The following C1orf146 variants were observed in gnomAD, a reference collection of about 807,000 sequenced individuals.
C1orf146 encodes the protein chromosome 1 open reading frame 146.
Under a neutral mutation model 23.0 loss-of-function variants are expected in C1orf146, and 22 were observed. The observed-to-expected ratio is 0.96, with a 90% confidence interval of 0.68 to 1.36. The LOEUF is 1.36. Among genes scored for constraint, C1orf146 ranks in the 40% most tolerant of loss-of-function variants. C1orf146 has a pLI of 0.00. For missense variants in C1orf146, 199 were observed against 206.8 expected, an observed-to-expected ratio of 0.96 and a Z score of 0.23; for synonymous variants, 59 against 65.3, an observed-to-expected ratio of 0.90 and a Z score of 0.47.
intron 1 of C1orf146, among the ~76,000 whole-genome samples, chr1:92,230,313 T>TA (rs142760966): frequency 0.044 from 6,332 of 142,368 alleles, 428 homozygotes; most frequent in African/African-American, 0.15. Context: ...CACAATAAGT[T>TA]AAAAAAAAAA....
At chr1:92,243,002 C>T (rs1652466707) in intron 3 of C1orf146, among the ~76,000 whole-genome samples, 1 of 152,178 alleles carries the variant, frequency 6.6e-6, no homozygotes. Context: ...GTGGTATCGC[C>T]TCAAACTTAT....
At chr1:92,237,964 C>G (rs1249467960) in intron 2 of C1orf146, among the ~76,000 whole-genome samples, 2 of 152,128 alleles carry the variant, frequency 1.3e-5, no homozygotes, top group South Asian at 2.1e-4. Context: ...GAGTTTTGCT[C>G]TGTCGCCGAG....
intron 2 of C1orf146, among the ~76,000 whole-genome samples, chr1:92,237,033 A>T (rs1329642716): frequency 6.6e-6 from 1 of 152,014 alleles, no homozygotes; most frequent in Non-Finnish European, 1.5e-5. Context: ...AAAGTTTTTA[A>T]CTTCTTTGCC....
At position 92,244,847 on chromosome 1, in the gene C1orf146, C is replaced by G. The variant is rs752901197; in HGVS notation, c.398C>G (p.Thr133Ser). Reference sequence around the variant, plus strand: ...GTAAATGCTATTAATCTTATGTGCACTATAGCAAAGGTGAGTCACCCGTGG... The same window carrying G: ...GTAAATGCTATTAATCTTATGTGCAGTATAGCAAAGGTGAGTCACCCGTGG... ...NTVNAINLMC[T>S]IAKTTSKPYI... The change falls in exon 5 of 6, where the codon ACT (threonine) becomes AGT (serine). Residue 133 changes from threonine (T) to serine (S), a missense_variant. Thr to Ser is a moderately conservative substitution (Grantham distance 58, BLOSUM62 1). Coordinates refer to ENST00000370375, the MANE Select transcript of C1orf146 (RefSeq NM_001012425.2). 2 of 1,593,112 alleles carry G rather than the reference C, an allele frequency of 1.3e-6. No individual in the cohort carries two copies. Among genetic ancestry groups the G allele is most frequent in the Non-Finnish European group, 8.6e-7 (1 of 1,162,812 alleles).
At chr1:92,223,378 G>A (rs564496280) in intron 1 of C1orf146, among the ~76,000 whole-genome samples, 3 of 152,132 alleles carry the variant, frequency 2.0e-5, no homozygotes, top group African/African-American at 7.2e-5. Context: ...GTATCTTGTA[G>A]CTTTAATTTG....
chr1:92,221,053 CAAAG>C (rs1651806119), intron 1 of C1orf146, among the ~76,000 whole-genome samples: 1 of 151,894 alleles, frequency 6.6e-6, no homozygotes, highest in Admixed American at 6.6e-5. Context: ...GCCTCAGAGA[CAAAG>C]AATATTTTTA....
chr1:92,220,273 G>A (rs1204433576), intron 1 of C1orf146, among the ~76,000 whole-genome samples: 5 of 152,220 alleles, frequency 3.3e-5, no homozygotes, highest in Non-Finnish European at 1.5e-5. Context: ...CTAGGGTGTC[G>A]TTTGTTTTAG....
chr1:92,227,106 T>G (rs188738458), intron 1 of C1orf146, among the ~76,000 whole-genome samples: 1 of 152,302 alleles, frequency 6.6e-6, no homozygotes, highest in East Asian at 1.9e-4. Context: ...TATTTTAAAC[T>G]TCCTTATATA....
At position 92,228,106 on chromosome 1, in the gene C1orf146, C is replaced by T. The variant is rs77159680; in HGVS notation, c.-39-3276C>T. ...TTCTTTATCCTTTTGCTTAACCTAC[C>T]TCAGTCTGGATATTTTCCTCTGACC... On this transcript the variant is annotated intron_variant, in intron 1 of 5. Transcript: ENST00000370375. Among the ~76,000 whole-genome samples the T allele has an allele frequency of 4.6e-3, 706 of 152,228 alleles. 4 individuals are homozygous for T. Among genetic ancestry groups the T allele is most frequent in the Non-Finnish European group, 7.5e-3 (507 of 68,024 alleles).
intron 1 of C1orf146, among the ~76,000 whole-genome samples, chr1:92,229,793 T>C (rs942551753): frequency 1.3e-5 from 2 of 152,054 alleles, no homozygotes; most frequent in African/African-American, 2.4e-5. Context: ...AGGACTGATA[T>C]CTATAATATA....
At chr1:92,239,619 G>T (rs949858139) in intron 2 of C1orf146, among the ~76,000 whole-genome samples, 1 of 152,076 alleles carries the variant, frequency 6.6e-6, no homozygotes. Context: ...AGGCATGGTG[G>T]TGCATGCCTG....
intron 2 of C1orf146, among the ~76,000 whole-genome samples, chr1:92,237,007 C>T (rs1274584913): frequency 1.3e-5 from 2 of 152,110 alleles, no homozygotes; most frequent in Admixed American, 6.5e-5. Flanking sequence ...GTTATACGTT[C>T]GCCTAAATTT....
chr1:92,242,349 G>T (rs534679283), intron 3 of C1orf146, 44 bp downstream of exon 3: 3 of 1,062,492 alleles, frequency 2.8e-6, no homozygotes, highest in South Asian at 2.9e-5. Flanking sequence ...TATGAAATAT[G>T]TTGGTATAAA....
rs565773446 is a variant in C1orf146 at position 92,241,757 on chromosome 1, C to G, written c.67-455C>G. On this transcript the variant is annotated intron_variant, in intron 2 of 5. Transcript: ENST00000370375. The stretch of plus-strand genomic sequence containing the variant: ...AATTGCTGGGATTTCAGGCATGAGC[C>G]ACCACCCAAGTTTTTTTTTAAAGTG... Among the ~76,000 whole-genome samples, 249 of 152,282 alleles carry G rather than the reference C, an allele frequency of 1.6e-3. 1 individual carries two copies. Among genetic ancestry groups the G allele is most frequent in the African/African-American group, 5.3e-3 (220 of 41,568 alleles).
At chr1:92,236,931 A>G (rs1183423620) in intron 2 of C1orf146, among the ~76,000 whole-genome samples, 1 of 151,928 alleles carries the variant, frequency 6.6e-6, no homozygotes, top group Non-Finnish European at 1.5e-5. Context: ...TTCTTCACGT[A>G]CTTCTCGTGC....
In C1orf146 at chr1:92,233,888, TG is replaced by T. The variant is rs1652201992; in HGVS notation, c.66+2403del. Reference sequence around the variant, plus strand: ...TTTGTAGCAATTGTGAATGGGAGTTTGCTCATGATTTGGCTCTCTGTTTGTC... The same window carrying T: ...TTTGTAGCAATTGTGAATGGGAGTTTCTCATGATTTGGCTCTCTGTTTGTC... On this transcript the variant is annotated intron_variant, in intron 2 of 5. Transcript: ENST00000370375. Among the ~76,000 whole-genome samples, 3 of 152,136 alleles carry T rather than the reference TG, an allele frequency of 2.0e-5. No individual in the cohort carries two copies. The South Asian group carries it at 6.2e-4, about 32-fold the overall frequency.
intron 2 of C1orf146, among the ~76,000 whole-genome samples, chr1:92,241,559 A>G (rs1652432453): frequency 6.6e-6 from 1 of 151,900 alleles, no homozygotes; most frequent in South Asian, 2.1e-4. Flanking sequence ...GCACAGTCTC[A>G]GCTCACTGCA....
Position 92,244,424 on chromosome 1 carries a change from T to C in C1orf146, c.329+39T>C, listed in dbSNP as rs1350248062. ...GCATTATAGACTTATTTTTCTTATA[T>C]TGTATTTATTTCAGTTCTTAATTCT... On this transcript the variant is annotated intron_variant, in intron 4 of 5. Transcript: ENST00000370375. 5 of 1,449,006 alleles carry C rather than the reference T, an allele frequency of 3.5e-6. 1 individual carries two copies. The highest frequency in any genetic ancestry group is 1.4e-5 in the African/African-American group (1 of 69,632). The allele number at this position is 1,449,006 out of a possible 1,614,324, so 89.8% of individuals were successfully genotyped here. A position where few individuals can be genotyped will look rare whatever the true frequency, so the allele number is the denominator to read the frequency against.
At chr1:92,222,535 G>A (rs1413245769) in intron 1 of C1orf146, among the ~76,000 whole-genome samples, 1 of 60,582 alleles carries the variant, frequency 1.7e-5, no homozygotes, top group African/African-American at 7.1e-5. Context: ...CCCTTCTTCG[G>A]TTTTTTTTTT....
Sources: gnomAD v4.1 joint callset for allele counts (sites outside exome capture counted in the v4.1 genomes callset) on GRCh38, gnomAD v4.1.1 for gene constraint, MANE v1.5 for transcripts, NCBI Gene and HGNC (gene_info 2026-07-23, HGNC 2026-07-21) for gene names.